YIPF1: variants seen among roughly 807,000 people sequenced by gnomAD.
The protein encoded by YIPF1 is protein YIPF1.
Under a neutral mutation model 37.0 loss-of-function variants are expected in YIPF1, and 22 were observed. The ratio of observed to expected loss-of-function variants is 0.59; its 90% CI spans 0.42 to 0.85. The LOEUF is 0.85. Among genes scored for constraint, YIPF1 ranks in the 40% least tolerant of loss-of-function variants. The pLI, the probability that YIPF1 is intolerant of heterozygous loss-of-function variation, is 0.00. For synonymous variants in YIPF1, 128 were observed against 131.9 expected (o/e 0.97, Z 0.21); for missense variants, 355 against 373.1 (o/e 0.95, Z 0.40).
At chr1:53,878,090 A>G (rs890946945) in intron 6 of YIPF1, among the ~76,000 whole-genome samples, 1 of 152,226 alleles carries the variant, frequency 6.6e-6, no homozygotes, top group African/African-American at 2.4e-5. Flanking sequence ...CCCCATTTAA[A>G]GACCTTTGAA....
At chr1:53,853,572 T>C (rs979452759) in intron 10 of YIPF1, among the ~76,000 whole-genome samples, 3 of 152,186 alleles carry the variant, frequency 2.0e-5, no homozygotes, top group Non-Finnish European at 4.4e-5. Flanking sequence ...GAGCTAGGCC[T>C]TCCTGGAGAC....
At position 53,871,483 on chromosome 1, in the gene YIPF1, A is replaced by T. The variant is rs1329468336; in HGVS notation, c.370T>A (p.Phe124Ile). 14 of 1,612,540 alleles carry T rather than the reference A, an allele frequency of 8.7e-6. No individual in the cohort carries two copies. The highest frequency in any genetic ancestry group is 5.3e-5 in the African/African-American group (4 of 74,852). The stretch of plus-strand genomic sequence containing the variant: ...AAGACCAACGTGGCACATATCCAAA[A>T]GGGGCCTGCAAAGGAAACCAGAAAA... ...IRSNPDLYGP[F>I]WICATLVFAI... Residue 124 changes from phenylalanine to isoleucine, a missense_variant, in exon 7 of 11, where the codon TTT (phenylalanine) becomes ATT (isoleucine). Physicochemically the swap from Phe to Ile is conservative, Grantham distance 21. Coordinates refer to ENST00000072644, the MANE Select transcript of YIPF1 (RefSeq NM_018982.5).
chr1:53,878,532 T>C (rs549194379), intron 5 of YIPF1, 110 bp downstream of exon 5: 5 of 1,467,922 alleles, frequency 3.4e-6, no homozygotes, highest in Non-Finnish European at 4.7e-6. Flanking sequence ...CCTTTACTTT[T>C]GTAAGACCAT....
chr1:53,861,100 C>T (rs1473003753), intron 9 of YIPF1, among the ~76,000 whole-genome samples: 3 of 152,180 alleles, frequency 2.0e-5, no homozygotes, highest in African/African-American at 4.8e-5. Context: ...TGGAGCTCTC[C>T]CCTACCTGTT....
At chr1:53,866,457 G>C in intron 8 of YIPF1, 75 bp from the exon 9 acceptor site, 1 of 1,506,178 alleles carries the variant, frequency 6.6e-7, no homozygotes, top group Non-Finnish European at 9.0e-7. Flanking sequence ...TGTTTACAAA[G>C]GCCCCTGAGC....
intron 9 of YIPF1, among the ~76,000 whole-genome samples, chr1:53,863,219 G>A (rs1261230663): frequency 1.3e-5 from 2 of 152,196 alleles, no homozygotes; most frequent in Non-Finnish European, 2.9e-5. Context: ...ATCCAGGTGT[G>A]TAATGGGTAA....
chr1:53,882,907 C>T, intron 4 of YIPF1: 1 of 456,344 alleles, frequency 2.2e-6, no homozygotes, highest in Non-Finnish European at 3.7e-6. Flanking sequence ...GATCTCTGCT[C>T]ACTACCCCAG....
At chr1:53,888,648 G>T (rs921165076) in intron 3 of YIPF1, among the ~76,000 whole-genome samples, 1 of 152,138 alleles carries the variant, frequency 6.6e-6, no homozygotes, top group African/African-American at 2.4e-5. Flanking sequence ...AACTAAAGCA[G>T]GAACTGTGTA....
At position 53,866,897 on chromosome 1, in the gene YIPF1, G is replaced by A. The variant is rs775900736; in HGVS notation, c.509C>T (p.Ala170Val). The A allele has an allele frequency of 6.8e-6, 11 of 1,613,488 alleles. No individual in the cohort carries two copies. In the East Asian group the frequency reaches 2.5e-4, roughly 36 times the overall value. Reference sequence around the variant, plus strand: ...TGCAAGAGGAACCAGCCAGGCATAGGCATAGATGATGGTAGCTGCTATGGA... The same window carrying A: ...TGCAAGAGGAACCAGCCAGGCATAGACATAGATGATGGTAGCTGCTATGGA... ...KVSIAATIIY[A>V]YAWLVPLALW... is the part of the protein sequence containing the mutation. Residue 170 changes from alanine (A) to valine (V), a missense_variant, in exon 8 of 11, where the codon GCC (alanine) becomes GTC (valine). By Grantham distance (64) the Ala-to-Val change is moderately conservative. Coordinates refer to ENST00000072644, the MANE Select transcript of YIPF1 (RefSeq NM_018982.5).
intron 9 of YIPF1, 133 bp from the exon 10 acceptor site, chr1:53,860,286 A>C: frequency 1.3e-6 from 1 of 761,666 alleles, no homozygotes; most frequent in Non-Finnish European, 2.1e-6. Context: ...TTGCCATCAC[A>C]CTAAACTACA....
intron 4 of YIPF1, 179 bp downstream of exon 4, chr1:53,882,934 T>C (rs1042440860): frequency 7.0e-6 from 4 of 571,198 alleles, no homozygotes; most frequent in Non-Finnish European, 8.4e-6. Context: ...CCTCCACAAG[T>C]GTACTTACGG....
chr1:53,878,400 G>T lies in YIPF1; in HGVS notation c.279C>A (p.Val93=), dbSNP rs779655251. Residue 93 remains valine (V), a splice_region_variant and synonymous_variant, in exon 6 of 11, where the codon GTC becomes GTA. Coordinates refer to ENST00000072644, the MANE Select transcript of YIPF1 (RefSeq NM_018982.5). Reference sequence around the variant, plus strand: ...AAAGAGATCCTTTAATTCTGTCAAAGACCTGGAAAACATCATAGCAGTAAT... The same window carrying T: ...AAAGAGATCCTTTAATTCTGTCAAATACCTGGAAAACATCATAGCAGTAAT... ...QTFFDVDTYQ[V]FDRIKGSLLP... The T allele has an allele frequency of 6.2e-7, 1 of 1,613,886 alleles. No individual in the cohort carries two copies. The highest frequency in any genetic ancestry group is 2.2e-5 in the East Asian group (1 of 44,870).
At position 53,871,537 on chromosome 1, in the gene YIPF1, CT is replaced by C. The variant is rs750582811; in HGVS notation, c.365-50del. ...AGAAACAAGAAAATGAAGCATAAGC[CT>C]TTAGATTCTTACAGAATTTCTTATC... On this transcript the variant is annotated intron_variant, in intron 6 of 10. Transcript: ENST00000072644. 16 of 1,389,122 alleles carry C rather than the reference CT, an allele frequency of 1.2e-5. No homozygotes were observed. In the African/African-American group the frequency reaches 2.3e-4, roughly 20 times the overall value. The allele number at this position is 1,389,122 out of a possible 1,614,324, so 86.0% of individuals were successfully genotyped here.
At chr1:53,868,846 G>A (rs1650099703) in intron 7 of YIPF1, among the ~76,000 whole-genome samples, 2 of 152,118 alleles carry the variant, frequency 1.3e-5, no homozygotes, top group South Asian at 2.1e-4. Flanking sequence ...AGATCCCCAG[G>A]CAAAGTGGTT....
chr1:53,889,195 A>G (rs1252911528), intron 2 of YIPF1, 49 bp downstream of exon 2: 5 of 402,846 alleles, frequency 1.2e-5, no homozygotes, highest in Admixed American at 7.3e-5. Flanking sequence ...AAAGGTTCCA[A>G]TTCAACCTTA....
intron 10 of YIPF1, chr1:53,855,120 G>A (rs1017730357): frequency 2.6e-5 from 4 of 150,988 alleles, no homozygotes; most frequent in African/African-American, 7.3e-5. Flanking sequence ...CAATGTGAGC[G>A]AGTGACAGGA....
rs916346135 is a variant in YIPF1, at chr1:53,888,781, C to T, written c.31+126G>A. On this transcript the variant is annotated intron_variant, in intron 3 of 10. Transcript: ENST00000072644. ...ACAAACAGGAAACACCTGGATGTGGCCAACAGCCACCAAGATGTTTGAAAT... is the reference window on the plus strand; with the variant it reads ...ACAAACAGGAAACACCTGGATGTGGTCAACAGCCACCAAGATGTTTGAAAT... 1.0e-5 allele frequency: 10 copies of T among 995,424 alleles called. No homozygotes were observed. The African/African-American group carries it at 1.4e-4, about 14-fold the overall frequency. 61.7% of individuals were successfully genotyped at this position (995,424 alleles called of 1,614,324 possible). A position where few individuals can be genotyped will look rare whatever the true frequency, so the allele number is the denominator to read the frequency against.
chr1:53,871,258 A>C, intron 7 of YIPF1, 114 bp downstream of exon 7: 1 of 845,152 alleles, frequency 1.2e-6, no homozygotes, highest in South Asian at 1.6e-5. Context: ...TTGAACCCTA[A>C]AACACAAAAG....
At chr1:53,867,834 T>A (rs1476170733) in intron 7 of YIPF1, among the ~76,000 whole-genome samples, 2 of 152,212 alleles carry the variant, frequency 1.3e-5, no homozygotes, top group Admixed American at 6.5e-5. Flanking sequence ...ATTCCGCCAC[T>A]GTGGCAAAAA....
Sources: allele counts gnomAD v4.1 joint callset (sites outside exome capture counted in the v4.1 genomes callset), GRCh38; gene constraint gnomAD v4.1.1; transcripts MANE v1.5; gene names NCBI Gene and HGNC (gene_info 2026-07-23, HGNC 2026-07-21).